Variants in OPCML observed in about 807,000 individuals in gnomAD.
The protein encoded by OPCML is opioid-binding protein/cell adhesion molecule.
Under a neutral mutation model 37.8 loss-of-function variants are expected in OPCML, and 13 were observed. That is an observed-to-expected ratio of 0.34 (90% CI 0.22 to 0.55). The LOEUF is 0.55. Among genes scored for constraint, OPCML ranks in the 20% least tolerant of loss-of-function variants. OPCML has a pLI of 0.91. For synonymous variants in OPCML, 176 were observed against 168.8 expected (o/e 1.04, Z -0.33); for missense variants, 341 against 435.6 (o/e 0.78, Z 1.93).
intron 1 of OPCML, among the ~76,000 whole-genome samples, chr11:133,108,615 A>G (rs1216900906): frequency 3.3e-5 from 5 of 151,910 alleles, no homozygotes; most frequent in Admixed American, 6.6e-5. Flanking sequence ...ACACACATAT[A>G]TGGCTATTCC....
intron 1 of OPCML, among the ~76,000 whole-genome samples, chr11:133,326,805 G>A: frequency 6.9e-6 from 1 of 144,296 alleles, no homozygotes; most frequent in Non-Finnish European, 1.5e-5. Flanking sequence ...GTGTGGGTGT[G>A]TGTACATTTG....
At chr11:132,934,479 T>C (rs1360370879) in intron 2 of OPCML, among the ~76,000 whole-genome samples, 2 of 152,164 alleles carry the variant, frequency 1.3e-5, no homozygotes, top group African/African-American at 4.8e-5. Context: ...TCAGGTTATG[T>C]GTGGTCCTGT....
intron 3 of OPCML, among the ~76,000 whole-genome samples, chr11:132,560,411 A>G (rs1031625163): frequency 2.0e-5 from 3 of 152,176 alleles, no homozygotes; most frequent in Non-Finnish European, 4.4e-5. Flanking sequence ...GGTTATATGA[A>G]CAAGTTCTTT....
chr11:133,284,895 C>A (rs1354972159), intron 1 of OPCML, among the ~76,000 whole-genome samples: 2 of 151,906 alleles, frequency 1.3e-5, no homozygotes, highest in East Asian at 1.9e-4. Flanking sequence ...AGCAGGAATA[C>A]CCCAAATGGA....
At chr11:133,331,823 C>T (rs1943625317) in intron 1 of OPCML, among the ~76,000 whole-genome samples, 1 of 152,052 alleles carries the variant, frequency 6.6e-6, no homozygotes, top group Non-Finnish European at 1.5e-5. Context: ...ATTTGATTTA[C>T]ATTTATAAAA....
At chr11:132,515,084 T>G (rs2096276793) in intron 4 of OPCML, among the ~76,000 whole-genome samples, 1 of 152,114 alleles carries the variant, frequency 6.6e-6, no homozygotes, top group Non-Finnish European at 1.5e-5. Flanking sequence ...GAGCAGAGCT[T>G]GTTGGGAAAA....
At chr11:133,194,734 A>C (rs1938468569) in intron 1 of OPCML, among the ~76,000 whole-genome samples, 1 of 152,202 alleles carries the variant, frequency 6.6e-6, no homozygotes, top group Non-Finnish European at 1.5e-5. Context: ...AATGAAATTC[A>C]AAATCTATGC....
Position 133,140,853 on chromosome 11 carries a change from C to CGACGAA in OPCML, c.62-197844_62-197843insTTCGTC, listed in dbSNP as rs1218469328. On this transcript the variant is annotated intron_variant, in intron 1 of 7. Transcript: ENST00000524381. ...ACGACGAAGAAGACGACGACGACGA[C>CGACGAA]GAAGAAGACGACGACGACGAAGAAG... Among the ~76,000 whole-genome samples, 23 of 28,046 alleles carry CGACGAA rather than the reference C, an allele frequency of 8.2e-4. 7 individuals carry two copies. Among genetic ancestry groups the CGACGAA allele is most frequent in the African/African-American group, 2.4e-3 (23 of 9,580 alleles). 18.4% of individuals were successfully genotyped at this position (28,046 alleles called of 152,430 possible).
intron 1 of OPCML, among the ~76,000 whole-genome samples, chr11:133,455,967 C>T (rs1946664244): frequency 6.6e-6 from 1 of 152,160 alleles, no homozygotes; most frequent in Non-Finnish European, 1.5e-5. Flanking sequence ...GAGAAGAGCA[C>T]AACATACTCG....
At chr11:133,509,623 A>T (rs546533954) in intron 1 of OPCML, among the ~76,000 whole-genome samples, 1 of 151,984 alleles carries the variant, frequency 6.6e-6, no homozygotes, top group African/African-American at 2.4e-5. Flanking sequence ...ACCTTCTCCC[A>T]CAGTTCTAAG....
At chr11:132,990,492 A>T (rs1946755860) in intron 1 of OPCML, among the ~76,000 whole-genome samples, 1 of 152,214 alleles carries the variant, frequency 6.6e-6, no homozygotes, top group Non-Finnish European at 1.5e-5. Context: ...CAACTACTTC[A>T]GTAGGAAAGG....
chr11:133,417,819 TATTTA>T (rs948639762), intron 1 of OPCML, among the ~76,000 whole-genome samples: 1 of 152,140 alleles, frequency 6.6e-6, no homozygotes, highest in African/African-American at 2.4e-5. Context: ...TTGTATATGT[TATTTA>T]ATTTAAGAAA....
chr11:133,393,223 A>G (rs1182173449), intron 1 of OPCML, among the ~76,000 whole-genome samples: 2 of 152,182 alleles, frequency 1.3e-5, no homozygotes, highest in African/African-American at 2.4e-5. Flanking sequence ...TGTGAGTTCA[A>G]TTTAATCAAT....
chr11:133,419,348 G>C (rs1311438150), intron 1 of OPCML: 3 of 985,274 alleles, frequency 3.0e-6, no homozygotes, highest in Non-Finnish European at 3.6e-6. Flanking sequence ...GTCACTGATA[G>C]TGATGTGCTG....
intron 1 of OPCML, among the ~76,000 whole-genome samples, chr11:133,276,750 C>A (rs1252929296): frequency 6.6e-6 from 1 of 152,048 alleles, no homozygotes; most frequent in African/African-American, 2.4e-5. Flanking sequence ...CCCATGATGC[C>A]AATTCTATTA....
At chr11:133,273,505 T>C (rs1351218543) in intron 1 of OPCML, among the ~76,000 whole-genome samples, 1 of 152,210 alleles carries the variant, frequency 6.6e-6, no homozygotes, top group African/African-American at 2.4e-5. Flanking sequence ...AAGATTGTAA[T>C]AGTCTGGGCC....
intron 2 of OPCML, among the ~76,000 whole-genome samples, chr11:132,789,867 G>A (rs1353980093): frequency 6.6e-6 from 1 of 152,096 alleles, no homozygotes; most frequent in African/African-American, 2.4e-5. Flanking sequence ...AAAGGGGGAG[G>A]AATTTCTCAA....
chr11:133,115,959 G>A (rs1274480829), intron 1 of OPCML, among the ~76,000 whole-genome samples: 1 of 144,356 alleles, frequency 6.9e-6, no homozygotes, highest in African/African-American at 2.5e-5. Context: ...TAAAAATAAG[G>A]ACATTATTAT....
At chr11:133,521,214 C>A (rs1156708730) in intron 1 of OPCML, among the ~76,000 whole-genome samples, 1 of 152,152 alleles carries the variant, frequency 6.6e-6, no homozygotes, top group East Asian at 1.9e-4. Flanking sequence ...CAAAACAGTT[C>A]TTTTGGATTT....
Sources: allele counts gnomAD v4.1 joint callset (sites outside exome capture counted in the v4.1 genomes callset), GRCh38; gene constraint gnomAD v4.1.1; transcripts MANE v1.5; gene names NCBI Gene and HGNC (gene_info 2026-07-23, HGNC 2026-07-21).